PIWIL4: variants seen among roughly 807,000 people sequenced by gnomAD.
The protein encoded by PIWIL4 is piwi like RNA-mediated gene silencing 4.
PIWIL4 carries 50 observed loss-of-function variants against 100.9 expected under a neutral mutation model. The observed-to-expected ratio is 0.50, with a 90% CI of 0.39 to 0.63. The LOEUF is 0.63. PIWIL4 is among the 20% of genes least tolerant of loss of function. The pLI, the probability that PIWIL4 is intolerant of heterozygous loss-of-function variation, is 0.00. For synonymous variants in PIWIL4, 342 were observed against 367.5 expected (o/e 0.93, Z 0.79); for missense variants, 887 against 1,043.3 (o/e 0.85, Z 2.06).
At position 94,583,515 on chromosome 11, in the gene PIWIL4, A is replaced by C. The variant is rs377653349; in HGVS notation, c.581A>C (p.Glu194Ala). ...AAGATGACTATCACCCTGAAGAGGG[A>C]GCTGCCATCAAGTTCTCCCGTGTGC... ...TIKMTITLKR[E>A]LPSSSPVCIQ... The change falls in exon 5 of 20, where the codon GAG becomes GCG. Residue 194 changes from glutamate to alanine, a missense_variant. Glu to Ala is a moderately radical substitution (Grantham distance 107). Around this residue, in one of 2 missense-constraint regions of PIWIL4, gnomAD observed 741 missense variants for 930.0 expected, o/e 0.80. Coordinates refer to ENST00000299001, the MANE Select transcript of PIWIL4 (RefSeq NM_152431.3). The C allele has an allele frequency of 6.2e-7, 1 of 1,613,850 alleles. No homozygotes were observed. Among genetic ancestry groups the C allele is most frequent in the African/African-American group, 1.3e-5 (1 of 74,926 alleles).
At chr11:94,578,178 G>T (rs1360724702) in intron 4 of PIWIL4, among the ~76,000 whole-genome samples, 1 of 152,020 alleles carries the variant, frequency 6.6e-6, no homozygotes, top group East Asian at 1.9e-4. Flanking sequence ...ATTGTGCTTT[G>T]TCTTCAGGAT....
chr11:94,603,039 A>G (rs2135285430), intron 12 of PIWIL4, among the ~76,000 whole-genome samples: 1 of 152,326 alleles, frequency 6.6e-6, no homozygotes, highest in Admixed American at 6.5e-5. Context: ...TTTTATTTCA[A>G]CCTTCTTTTT....
At position 94,577,263 on chromosome 11, in the gene PIWIL4, G is replaced by A. The variant is rs1007235890; in HGVS notation, c.299-15G>A. On this transcript the variant is annotated splice_polypyrimidine_tract_variant and intron_variant, in intron 3 of 19. Coordinates refer to ENST00000299001, the MANE Select transcript of PIWIL4 (RefSeq NM_152431.3). ...TTTCCTGATTAAAAAATTGTTTTTT[G>A]TTTGTCTTCTTCAGGTTCCAGTGGA... The A allele has an allele frequency of 4.4e-6, 7 of 1,589,046 alleles. No homozygotes were observed. The highest frequency in any genetic ancestry group is 1.4e-5 in the African/African-American group (1 of 73,636).
Position 94,584,275 on chromosome 11 carries a change from C to G in PIWIL4, c.635+706C>G, listed in dbSNP as rs564794605. Among the ~76,000 whole-genome samples the G allele has an allele frequency of 2.6e-5, 4 of 152,202 alleles. 1 individual carries two copies. The South Asian group carries it at 8.3e-4, about 32-fold the overall frequency. ...GATCATTAAGATGATCTGTTAGAAA[C>G]CTTACAGGCAAGTTCTTTGTTCAAC... On this transcript the variant is annotated intron_variant, in intron 5 of 19. Coordinates refer to ENST00000299001, the MANE Select transcript of PIWIL4 (RefSeq NM_152431.3).
chr11:94,600,352 C>A (rs1213891401), intron 11 of PIWIL4, among the ~76,000 whole-genome samples: 1 of 152,058 alleles, frequency 6.6e-6, no homozygotes, highest in Non-Finnish European at 1.5e-5. Context: ...GGACAGAGTA[C>A]AAAATAGAGA....
chr11:94,593,596 G>A lies in PIWIL4; in HGVS notation c.1105G>A (p.Glu369Lys). The change falls in exon 9 of 20, where the codon GAG becomes AAG. Residue 369 changes from glutamate to lysine, a missense_variant. Coordinates refer to ENST00000299001, the MANE Select transcript of PIWIL4 (RefSeq NM_152431.3). Reference protein sequence around the residue: ...LLKKKRNDNSEAQLAHLIPEL... With the variant: ...LLKKKRNDNSKAQLAHLIPEL... ...AAAGAAGAAGAGAAATGACAACAGTGAGGCTCAGCTCGCCCACCTGATACC... is the reference window on the plus strand; with the variant it reads ...AAAGAAGAAGAGAAATGACAACAGTAAGGCTCAGCTCGCCCACCTGATACC... 1 of 1,614,068 alleles carries A rather than the reference G, an allele frequency of 6.2e-7. No homozygotes were observed. Among genetic ancestry groups the A allele is most frequent in the South Asian group, 1.1e-5 (1 of 91,080 alleles).
intron 8 of PIWIL4, among the ~76,000 whole-genome samples, chr11:94,591,300 G>A (rs1378442358): frequency 1.3e-5 from 2 of 152,194 alleles, no homozygotes; most frequent in African/African-American, 4.8e-5. Flanking sequence ...AGAAAGCCAC[G>A]CTGTACCTTT....
At chr11:94,620,571 C>T (rs540807961) in intron 19 of PIWIL4, among the ~76,000 whole-genome samples, 54 of 152,178 alleles carry the variant, frequency 3.5e-4, no homozygotes, top group Non-Finnish European at 5.7e-4. Context: ...AAGGCCAAGC[C>T]CAAGGTTTGC....
At chr11:94,577,228 CAT>C (rs1292448948) in intron 3 of PIWIL4, 48 bp from the exon 4 acceptor site, 1 of 1,399,654 alleles carries the variant, frequency 7.1e-7, no homozygotes, top group African/African-American at 1.4e-5. Flanking sequence ...TTAATATTAA[CAT>C]GATGTGATTT....
intron 15 of PIWIL4, among the ~76,000 whole-genome samples, chr11:94,612,317 T>A: frequency 4.6e-5 from 1 of 21,638 alleles, no homozygotes; most frequent in East Asian, 1.8e-3. Flanking sequence ...TTTGTGAGGT[T>A]TTTTTTTTTT....
At chr11:94,584,187 A>G (rs1279170100) in intron 5 of PIWIL4, among the ~76,000 whole-genome samples, 1 of 152,226 alleles carries the variant, frequency 6.6e-6, no homozygotes, top group African/African-American at 2.4e-5. Flanking sequence ...GATAGGCCTG[A>G]AAATTCACAT....
chr11:94,570,806 C>T (rs1007766638), intron 2 of PIWIL4, among the ~76,000 whole-genome samples: 21 of 152,134 alleles, frequency 1.4e-4, no homozygotes, highest in African/African-American at 4.3e-4. Flanking sequence ...GCAGAAGAAT[C>T]GCTTGAACCC....
At chr11:94,582,117 T>C (rs535485620) in intron 4 of PIWIL4, among the ~76,000 whole-genome samples, 1 of 152,102 alleles carries the variant, frequency 6.6e-6, no homozygotes, top group South Asian at 2.1e-4. Flanking sequence ...GTGGGAGAGG[T>C]ACAAGGCGGG....
intron 7 of PIWIL4, among the ~76,000 whole-genome samples, chr11:94,588,156 T>A (rs986343120): frequency 3.3e-5 from 5 of 151,180 alleles, no homozygotes; most frequent in African/African-American, 1.2e-4. Context: ...TTTCCCCTCC[T>A]CGTGTCCATG....
intron 11 of PIWIL4, among the ~76,000 whole-genome samples, chr11:94,600,492 G>A (rs938554525): frequency 2.6e-5 from 4 of 152,122 alleles, no homozygotes; most frequent in East Asian, 1.9e-4. Context: ...ATAGGGTGTC[G>A]GTCACAAAGA....
chr11:94,619,082 GA>G (rs1195455395), intron 17 of PIWIL4, among the ~76,000 whole-genome samples: 1 of 152,126 alleles, frequency 6.6e-6, no homozygotes, highest in Non-Finnish European at 1.5e-5. Context: ...ATCAACTTTT[GA>G]TAGTTTCAAT....
chr11:94,583,557 T>G lies in PIWIL4; in HGVS notation c.623T>G (p.Ile208Ser), dbSNP rs768878819. ...CCCGTGTGCATCCAGGTCTTCAATA[T>G]CATCTTCAGAAAGTAAGGCACTGGA... ...SSPVCIQVFN[I>S]IFRKILKKLS... The change falls in exon 5 of 20, where the codon ATC (isoleucine) becomes AGC (serine). Residue 208 changes from isoleucine to serine, a missense_variant. Coordinates refer to ENST00000299001, the MANE Select transcript of PIWIL4 (RefSeq NM_152431.3). The G allele has an allele frequency of 3.7e-6, 6 of 1,614,010 alleles. No individual in the cohort carries two copies. The Admixed American group carries it at 5.0e-5, about 13-fold the overall frequency.
intron 15 of PIWIL4, 105 bp from the exon 16 acceptor site, chr11:94,616,388 A>T (rs368972175): frequency 1.9e-6 from 2 of 1,029,906 alleles, no homozygotes; most frequent in South Asian, 1.5e-5. Context: ...AATTGCGAAC[A>T]TTGATTTTTA....
chr11:94,613,446 TGAAC>T (rs1948809103), intron 15 of PIWIL4, among the ~76,000 whole-genome samples: 1 of 152,222 alleles, frequency 6.6e-6, no homozygotes, highest in African/African-American at 2.4e-5. Flanking sequence ...TTCTTTGGGT[TGAAC>T]CTGCTTCAGA....
Sources: allele counts gnomAD v4.1 joint callset (sites outside exome capture counted in the v4.1 genomes callset), GRCh38; gene constraint gnomAD v4.1.1; regional missense constraint gnomAD v4.1.1; transcripts MANE v1.5; gene names NCBI Gene and HGNC (gene_info 2026-07-23, HGNC 2026-07-21).